Variants in SMARCA5 observed in about 807,000 individuals in gnomAD.
SMARCA5 encodes the protein SNF2 related chromatin remodeling ATPase 5, also known as SWI/SNF-related matrix-associated actin-dependent regulator of chromatin subfamily A member 5.
SMARCA5 carries 18 observed loss-of-function variants against 140.4 expected under a neutral mutation model. The ratio of observed to expected loss-of-function variants is 0.13; its 90% CI spans 0.09 to 0.19. The LOEUF is 0.19. Ranked by LOEUF, SMARCA5 falls within the 10% of genes least tolerant of loss-of-function variation. The pLI, the probability that SMARCA5 is intolerant of heterozygous loss-of-function variation, is 1.00. For missense variants in SMARCA5, 606 were observed against 1,276.8 expected, an observed-to-expected ratio of 0.47 and a Z score of 8.01; for synonymous variants, 449 against 419.6, an observed-to-expected ratio of 1.07 and a Z score of -0.86.
At chr4:143,547,574 T>G in intron 21 of SMARCA5, 71 bp downstream of exon 21, 1 of 810,654 alleles carries the variant, frequency 1.2e-6, no homozygotes, top group Non-Finnish European at 2.1e-6. Context: ...AGAGTGACTT[T>G]TTATAAAGGA....
chr4:143,516,059 C>T (rs1048517304), intron 1 of SMARCA5, among the ~76,000 whole-genome samples: 1 of 151,214 alleles, frequency 6.6e-6, no homozygotes, highest in African/African-American at 2.4e-5. Flanking sequence ...ATGATATAAA[C>T]TAAGTTTGAG....
At chr4:143,532,736 C>T (rs913875841) in intron 9 of SMARCA5, among the ~76,000 whole-genome samples, 5 of 147,030 alleles carry the variant, frequency 3.4e-5, no homozygotes, top group African/African-American at 1.2e-4. Flanking sequence ...CCCCTTATTT[C>T]CCCCACCTCC....
At chr4:143,530,926 C>G (rs561116716) in intron 9 of SMARCA5, among the ~76,000 whole-genome samples, 1 of 152,292 alleles carries the variant, frequency 6.6e-6, no homozygotes, top group South Asian at 2.1e-4. Context: ...GCAGTCTCTC[C>G]CCATTCAGCG....
chr4:143,543,798 A>T, intron 15 of SMARCA5, 55 bp from the exon 16 acceptor site: 2 of 1,565,604 alleles, frequency 1.3e-6, no homozygotes, highest in Non-Finnish European at 1.7e-6. Context: ...TTTTGACTGC[A>T]GTTTTCATGC....
chr4:143,521,832 G>A (rs970572765), intron 3 of SMARCA5, among the ~76,000 whole-genome samples: 4 of 145,654 alleles, frequency 2.7e-5, no homozygotes, highest in African/African-American at 1.0e-4. Context: ...CAAGGTGGGA[G>A]GATTGCTTGA....
At chr4:143,515,296 A>G (rs549884003) in intron 1 of SMARCA5, among the ~76,000 whole-genome samples, 2 of 152,294 alleles carry the variant, frequency 1.3e-5, no homozygotes, top group African/African-American at 4.8e-5. Flanking sequence ...TGGTGAGGGT[A>G]GGTTTAGTGA....
intron 3 of SMARCA5, 64 bp downstream of exon 3, chr4:143,521,659 A>G (rs1461499480): frequency 2.2e-6 from 3 of 1,338,740 alleles, no homozygotes; most frequent in African/African-American, 3.0e-5. Flanking sequence ...CAGTGGAAGC[A>G]TAAAATCACT....
intron 3 of SMARCA5, among the ~76,000 whole-genome samples, 158 bp from the exon 4 acceptor site, chr4:143,524,209 A>T (rs1232709521): frequency 1.3e-5 from 2 of 152,166 alleles, no homozygotes; most frequent in Non-Finnish European, 2.9e-5. Context: ...AACATTGCAG[A>T]TTTAAATGTA....
chr4:143,517,455 T>C (rs780476217), intron 2 of SMARCA5, 26 bp downstream of exon 2: 2 of 1,470,626 alleles, frequency 1.4e-6, no homozygotes, highest in Admixed American at 4.3e-5. Flanking sequence ...GTGAATAGAG[T>C]CTATAAGGAA....
At chr4:143,538,969 C>A in intron 13 of SMARCA5, 31 bp downstream of exon 13, 1 of 1,592,878 alleles carries the variant, frequency 6.3e-7, no homozygotes, top group Non-Finnish European at 8.6e-7. Context: ...ATATTCTGTG[C>A]TTAGTAGATG....
At chr4:143,540,571 A>AT in intron 14 of SMARCA5, 76 bp downstream of exon 14, 2 of 1,394,006 alleles carry the variant, frequency 1.4e-6, no homozygotes, top group Non-Finnish European at 2.0e-6. Context: ...GTCTTAGAAG[A>AT]TTCTTGTTAC....
intron 10 of SMARCA5, among the ~76,000 whole-genome samples, chr4:143,535,330 C>T (rs1174228370): frequency 6.6e-6 from 1 of 152,078 alleles, no homozygotes; most frequent in Non-Finnish European, 1.5e-5. Context: ...TGTAAAGTAG[C>T]TGCAGAAAAA....
Position 143,550,015 on chromosome 4 carries a change from A to G in SMARCA5, c.3004A>G (p.Asn1002Asp). ...RTAMELQRRC[N>D]TLITLIEREN... ...AATTTAGGAGCTCCAGAGGAGATGT[A>G]ATACCTTAATTACTTTGATTGAAAG... Residue 1002 changes from asparagine (N) to aspartate (D), a missense_variant, in exon 23 of 24, where the codon AAT becomes GAT. Asn to Asp is a conservative substitution (Grantham distance 23). This residue lies in a region of SMARCA5 where 40 missense variants were observed against 59.8 expected (regional missense o/e 0.67). Transcript: ENST00000283131. The G allele has an allele frequency of 6.3e-7, 1 of 1,592,594 alleles. No individual in the cohort carries two copies. Among genetic ancestry groups the G allele is most frequent in the Non-Finnish European group, 8.6e-7 (1 of 1,165,486 alleles).
rs1407266204 is a variant in SMARCA5, at chr4:143,525,566, T to C, written c.621+15T>C. The C allele has an allele frequency of 6.6e-7, 1 of 1,509,828 alleles. No homozygotes were observed. Among genetic ancestry groups the C allele is most frequent in the Non-Finnish European group, 9.2e-7 (1 of 1,086,422 alleles). The allele number at this position is 1,509,828 out of a possible 1,614,324, so 93.5% of individuals were successfully genotyped here. On this transcript the variant is annotated intron_variant, in intron 5 of 23. Transcript: ENST00000283131. Reference sequence around the variant, plus strand: ...CAGATGAAATGGTATGTGTTGGTAGTTTTTTTTGAAGGGTATGTTTTGTAT... The same window carrying C: ...CAGATGAAATGGTATGTGTTGGTAGCTTTTTTTGAAGGGTATGTTTTGTAT...
At chr4:143,532,922 C>A (rs906620519) in intron 9 of SMARCA5, among the ~76,000 whole-genome samples, 38 of 152,168 alleles carry the variant, frequency 2.5e-4, no homozygotes, top group Admixed American at 2.5e-3. Context: ...TTGCTGCCGC[C>A]TGTTGACTAG....
chr4:143,529,833 C>T (rs910988134), intron 8 of SMARCA5, among the ~76,000 whole-genome samples: 3 of 152,026 alleles, frequency 2.0e-5, no homozygotes, highest in Non-Finnish European at 2.9e-5. Context: ...ATTTTAGCTT[C>T]GATTTTATGT....
chr4:143,522,195 GC>G (rs1736977064), intron 3 of SMARCA5, among the ~76,000 whole-genome samples: 2 of 152,104 alleles, frequency 1.3e-5, no homozygotes, highest in Non-Finnish European at 2.9e-5. Flanking sequence ...CATCACGGCA[GC>G]CTGTTTAAAA....
At chr4:143,539,343 G>T (rs1481044385) in intron 13 of SMARCA5, among the ~76,000 whole-genome samples, 4 of 152,128 alleles carry the variant, frequency 2.6e-5, no homozygotes, top group African/African-American at 9.7e-5. Context: ...TATATCACAG[G>T]ACCAAAGAGA....
chr4:143,515,415 T>G (rs1736807664), intron 1 of SMARCA5, among the ~76,000 whole-genome samples: 1 of 152,122 alleles, frequency 6.6e-6, no homozygotes, highest in Non-Finnish European at 1.5e-5. Context: ...ATGGTTCTTT[T>G]GGGTTACTAG....
Sources: allele counts gnomAD v4.1 joint callset (sites outside exome capture counted in the v4.1 genomes callset), GRCh38; gene constraint gnomAD v4.1.1; regional missense constraint gnomAD v4.1.1; transcripts MANE v1.5; gene names NCBI Gene and HGNC (gene_info 2026-07-23, HGNC 2026-07-21).